AMOTL1: variants seen among roughly 807,000 people sequenced by gnomAD.
AMOTL1 encodes angiomotin like 1.
Under a neutral mutation model 102.9 loss-of-function variants are expected in AMOTL1, and 45 were observed. The ratio of observed to expected loss-of-function variants is 0.44; its 90% confidence interval spans 0.34 to 0.56. The LOEUF (loss-of-function observed/expected upper bound fraction) is 0.56. AMOTL1 is among the 20% of genes least tolerant of loss of function. The pLI is 0.01. For missense variants in AMOTL1, 1,114 were observed against 1,225.6 expected (o/e 0.91, Z 1.36); for synonymous variants, 481 against 484.7 (o/e 0.99, Z 0.10).
At chr11:94,740,825 T>C in intron 2 of AMOTL1, 1 of 836,780 alleles carries the variant, frequency 1.2e-6, no homozygotes, top group Non-Finnish European at 1.7e-6. Flanking sequence ...TTCTGAGCGC[T>C]GGGAGAGAGA....
At chr11:94,818,994 T>TTTTGTTTG (rs113890860) in intron 3 of AMOTL1, among the ~76,000 whole-genome samples, 1 of 151,736 alleles carries the variant, frequency 6.6e-6, no homozygotes, top group Non-Finnish European at 1.5e-5. Context: ...TCTTCATCTT[T>TTTTGTTTG]TTTGTTTGTT....
Position 94,869,436 on chromosome 11 carries a change from G to C in AMOTL1, c.2727G>C (p.Leu909=), listed in dbSNP as rs1952949275. The part of the protein sequence containing the change: ...LSTTPAHSPV[L]KHPAAKGTAE... ...CGACCCCTGCTCACAGCCCCGTCCT[G>C]AAACACCCAGCGGCCAAAGGGACCG... is the stretch of plus-strand genomic sequence containing the variant. Residue 909 remains leucine (L), a synonymous_variant, in exon 12 of 13, where the codon CTG becomes CTC. Transcript: ENST00000433060. 1.9e-6 allele frequency: 3 copies of C among 1,603,584 alleles called. No homozygotes were observed. Among genetic ancestry groups the C allele is most frequent in the Non-Finnish European group, 2.6e-6 (3 of 1,175,486 alleles).
At chr11:94,730,579 G>C (rs1363651274) in intron 2 of AMOTL1, among the ~76,000 whole-genome samples, 1 of 152,116 alleles carries the variant, frequency 6.6e-6, no homozygotes, top group Non-Finnish European at 1.5e-5. Context: ...TGCTTCTTGA[G>C]ACAGATGCCT....
intron 3 of AMOTL1, among the ~76,000 whole-genome samples, chr11:94,756,887 C>G (rs1262508077): frequency 1.3e-5 from 2 of 152,090 alleles, no homozygotes; most frequent in Non-Finnish European, 2.9e-5. Flanking sequence ...GACCATTAGA[C>G]CTCTTGATTT....
rs78853827 is a variant in AMOTL1, at chr11:94,825,916, G to A, written c.1413+4095G>A. On this transcript the variant is annotated intron_variant, in intron 4 of 12. Transcript: ENST00000433060. Reference sequence around the variant, plus strand: ...CATCTTTTACTTGAATGCTTCCAGAGAAGAGAAGCTCACTAATGGGTATAC... The same window carrying A: ...CATCTTTTACTTGAATGCTTCCAGAAAAGAGAAGCTCACTAATGGGTATAC... 5.3e-3 allele frequency among the ~76,000 whole-genome samples: 800 copies of A among 152,330 alleles called. 12 individuals carry two copies. The highest frequency in any genetic ancestry group is 0.018 in the African/African-American group (752 of 41,572).
intron 1 of AMOTL1, among the ~76,000 whole-genome samples, chr11:94,788,641 G>C (rs957655013): frequency 1.3e-5 from 2 of 152,196 alleles, no homozygotes; most frequent in Admixed American, 6.5e-5. Flanking sequence ...AAAATGGGTA[G>C]TTGTGTGCAC....
rs375476501 is a variant in AMOTL1, at chr11:94,802,412, C to T, written c.1121+2101C>T. Among the ~76,000 whole-genome samples the T allele has an allele frequency of 1.5e-3, 224 of 152,318 alleles. 1 individual carries two copies. Among genetic ancestry groups the T allele is most frequent in the Non-Finnish European group, 2.6e-3 (180 of 68,022 alleles). On this transcript the variant is annotated intron_variant, in intron 3 of 12. Coordinates refer to ENST00000433060, the MANE Select transcript of AMOTL1 (RefSeq NM_130847.3). The stretch of plus-strand genomic sequence containing the variant: ...TATCCTGAAATGAAATCCCCTTCCT[C>T]TTCTTTGCTTTACTATTTGTAAAGT...
chr11:94,763,710 C>A (rs1950822209), upstream of AMOTL1, among the ~76,000 whole-genome samples: 1 of 152,100 alleles, frequency 6.6e-6, no homozygotes, highest in African/African-American at 2.4e-5. Flanking sequence ...AATCACAAGG[C>A]AGAGATGATC....
intron 6 of AMOTL1, among the ~76,000 whole-genome samples, chr11:94,842,117 T>C (rs765497561): frequency 2.2e-4 from 34 of 152,240 alleles, no homozygotes; most frequent in Non-Finnish European, 4.4e-4. Flanking sequence ...TAACAAGTAT[T>C]TGAAAACTGT....
intron 1 of AMOTL1, among the ~76,000 whole-genome samples, chr11:94,789,150 T>C (rs1020985961): frequency 1.3e-5 from 2 of 152,116 alleles, no homozygotes; most frequent in African/African-American, 4.8e-5. Flanking sequence ...TGTTTCCTTT[T>C]TATTTATTTC....
Position 94,874,805 on chromosome 11 carries a change from A to G in AMOTL1, c.*4010A>G, listed in dbSNP as rs958009421. ...GAAGCAGTGGATAATAGATTGGGGCATTAAAAGCTTTTGAGGCAGGGGGCT... is the reference window on the plus strand; with the variant it reads ...GAAGCAGTGGATAATAGATTGGGGCGTTAAAAGCTTTTGAGGCAGGGGGCT... On this transcript the variant is annotated 3_prime_UTR_variant, in exon 13 of 13. Coordinates refer to ENST00000433060, the MANE Select transcript of AMOTL1 (RefSeq NM_130847.3). 3 of 152,222 alleles carry G rather than the reference A, an allele frequency of 2.0e-5. No individual in the cohort carries two copies. Among genetic ancestry groups the G allele is most frequent in the African/African-American group, 4.8e-5 (2 of 41,458 alleles). 9.4% of individuals were successfully genotyped at this position (152,222 alleles called of 1,614,324 possible).
intron 3 of AMOTL1, among the ~76,000 whole-genome samples, chr11:94,803,093 C>G (rs890314674): frequency 2.0e-5 from 3 of 152,170 alleles, no homozygotes; most frequent in African/African-American, 4.8e-5. Context: ...CTGGTGGGCT[C>G]AGTATGTAAT....
intron 8 of AMOTL1, among the ~76,000 whole-genome samples, chr11:94,856,318 A>G (rs1018066448): frequency 1.3e-5 from 2 of 152,074 alleles, no homozygotes; most frequent in Admixed American, 1.3e-4. Context: ...ACATTATCTT[A>G]TAACCAAAAA....
chr11:94,778,922 T>C (rs1951066509), intron 1 of AMOTL1, among the ~76,000 whole-genome samples: 1 of 152,166 alleles, frequency 6.6e-6, no homozygotes, highest in Non-Finnish European at 1.5e-5. Context: ...TGGCTTAGGG[T>C]TCCAGGTGTG....
chr11:94,828,752 G>A (rs554035840), intron 4 of AMOTL1, among the ~76,000 whole-genome samples: 1 of 152,252 alleles, frequency 6.6e-6, no homozygotes, highest in African/African-American at 2.4e-5. Context: ...TTTCTGATCT[G>A]GGCAGTTGGG....
intron 9 of AMOTL1, among the ~76,000 whole-genome samples, chr11:94,861,722 C>T (rs1455546807): frequency 6.6e-6 from 1 of 152,144 alleles, no homozygotes; most frequent in Non-Finnish European, 1.5e-5. Context: ...AAATGTGTGA[C>T]CTTGGAGGAA....
At chr11:94,758,523 G>A (rs983750686) in intron 3 of AMOTL1, among the ~76,000 whole-genome samples, 2 of 152,192 alleles carry the variant, frequency 1.3e-5, no homozygotes, top group Non-Finnish European at 2.9e-5. Context: ...TCAGACCAAT[G>A]GGATAGTCAT....
chr11:94,730,286 T>C (rs567558669), intron 2 of AMOTL1, among the ~76,000 whole-genome samples: 1 of 152,194 alleles, frequency 6.6e-6, no homozygotes, highest in Non-Finnish European at 1.5e-5. Context: ...AGCCTCTTCC[T>C]GGATCCCTGA....
chr11:94,759,588 A>AG (rs397790741), intron 3 of AMOTL1, among the ~76,000 whole-genome samples: 7 of 150,684 alleles, frequency 4.6e-5, no homozygotes, highest in African/African-American at 9.7e-5. Context: ...AAAAAAAAAA[A>AG]GGGCAAGAGC....
Sources: gnomAD v4.1 joint callset for allele counts (sites outside exome capture counted in the v4.1 genomes callset) on GRCh38, gnomAD v4.1.1 for gene constraint, MANE v1.5 for transcripts, NCBI Gene and HGNC (gene_info 2026-07-23, HGNC 2026-07-21) for gene names.